Variants in PCDHA10 observed in about 807,000 individuals in gnomAD.
The protein encoded by PCDHA10 is protocadherin alpha 10.
In PCDHA10, 45 loss-of-function variants were observed where a neutral mutation model predicts 61.2. That is an observed-to-expected ratio of 0.74 (90% confidence interval 0.58 to 0.94). The LOEUF is 0.94. Among genes scored for constraint, PCDHA10 ranks in the 40% least tolerant of loss-of-function variants. PCDHA10 has a pLI of 0.00. For missense variants in PCDHA10, 1,278 were observed against 1,236.2 expected (o/e 1.03, Z -0.51); for synonymous variants, 602 against 548.8 (o/e 1.10, Z -1.35).
intron 1 of PCDHA10, among the ~76,000 whole-genome samples, chr5:140,915,168 C>T (rs181934284): frequency 6.0e-4 from 92 of 152,112 alleles, no homozygotes; most frequent in Middle Eastern, 3.4e-3. Context: ...AGGATAGTCT[C>T]GATCTCTTGA....
chr5:140,926,680 A>C (rs2153583997), intron 1 of PCDHA10: 1 of 637,102 alleles, frequency 1.6e-6, no homozygotes, highest in Non-Finnish European at 2.4e-6. Flanking sequence ...CCCAGCCTCC[A>C]GCCTAGCAAG....
At chr5:140,900,014 T>C (rs1002415971) in intron 1 of PCDHA10, among the ~76,000 whole-genome samples, 1 of 152,032 alleles carries the variant, frequency 6.6e-6, no homozygotes, top group African/African-American at 2.4e-5. Flanking sequence ...CTCACTTTGT[T>C]ACCCAGTTTG....
chr5:140,858,420 G>C lies in PCDHA10; in HGVS notation c.2372G>C (p.Gly791Ala). Residue 791 changes from glycine (G) to alanine (A), a missense_variant, in exon 1 of 4, where the codon GGG (glycine) becomes GCG (alanine). Transcript: ENST00000307360. ...GACGGGGAAGATCAGTCTATTGGAGGGGACCACTCTAGGAAGGTGGGTTAT... is the reference window on the plus strand; with the variant it reads ...GACGGGGAAGATCAGTCTATTGGAGCGGACCACTCTAGGAAGGTGGGTTAT... ...DVDGEDQSIG[G>A]DHSRKPRQPN... 4 of 1,558,504 alleles carry C rather than the reference G, an allele frequency of 2.6e-6. No homozygotes were observed. Among genetic ancestry groups the C allele is most frequent in the South Asian group, 1.1e-5 (1 of 87,164 alleles).
At chr5:140,899,814 G>A (rs1212568701) in intron 1 of PCDHA10, among the ~76,000 whole-genome samples, 8 of 152,012 alleles carry the variant, frequency 5.3e-5, no homozygotes, top group African/African-American at 7.2e-5. Flanking sequence ...ATTTTGTTTT[G>A]TTTTTCCTTT....
intron 1 of PCDHA10, chr5:140,884,280 A>G: frequency 6.2e-7 from 1 of 1,613,576 alleles, no homozygotes; most frequent in Non-Finnish European, 8.5e-7. Context: ...TCGCTGGTGG[A>G]GAGCGGCCAA....
intron 1 of PCDHA10, chr5:140,966,770 G>C: frequency 2.0e-6 from 3 of 1,500,088 alleles, no homozygotes; most frequent in Non-Finnish European, 2.7e-6. Flanking sequence ...AGTGGCTATG[G>C]AGCAGGCGGG....
At chr5:140,925,382 C>A (rs2082461008) in intron 1 of PCDHA10, among the ~76,000 whole-genome samples, 1 of 152,078 alleles carries the variant, frequency 6.6e-6, no homozygotes, top group Non-Finnish European at 1.5e-5. Flanking sequence ...GTCAATGAGT[C>A]TCCTTTTGGC....
At chr5:140,905,197 T>A (rs2071673542) in intron 1 of PCDHA10, among the ~76,000 whole-genome samples, 1 of 152,220 alleles carries the variant, frequency 6.6e-6, no homozygotes. Flanking sequence ...TTGATCCATC[T>A]TGAGTTGATT....
At chr5:140,893,498 A>G (rs1471386820) in intron 1 of PCDHA10, among the ~76,000 whole-genome samples, 2 of 151,410 alleles carry the variant, frequency 1.3e-5, no homozygotes, top group Admixed American at 6.6e-5. Flanking sequence ...CACAAAAAAG[A>G]AAAAAAAAGC....
chr5:140,971,263 C>T (rs1554233162), intron 1 of PCDHA10, among the ~76,000 whole-genome samples: 1 of 152,186 alleles, frequency 6.6e-6, no homozygotes, highest in African/African-American at 2.4e-5. Flanking sequence ...CTATTTCTGT[C>T]TTACACTGAC....
chr5:140,937,567 G>A lies in PCDHA10; in HGVS notation c.2389-41382G>A, dbSNP rs1218260457. On this transcript the variant is annotated intron_variant, in intron 1 of 3. Transcript: ENST00000307360. ...GCGAGGCAGAGGTTGCAGTGAGCTG[G>A]GATCGCGTCACTGCACTCTAGCCTG... 1.9e-3 allele frequency among the ~76,000 whole-genome samples: 288 copies of A among 150,684 alleles called. 1 individual carries two copies. Among genetic ancestry groups the A allele is most frequent in the African/African-American group, 6.8e-3 (278 of 40,792 alleles).
Position 140,857,793 on chromosome 5 carries a change from G to A in PCDHA10, c.1745G>A (p.Arg582Gln), listed in dbSNP as rs782663646. The A allele has an allele frequency of 5.0e-6, 8 of 1,597,706 alleles. No individual in the cohort carries two copies. The Middle Eastern group carries it at 6.9e-4, about 137-fold the overall frequency. The part of the protein sequence containing the change: ...AGGAVSELVL[R>Q]SVVAGHVVAK... ...GGTGCAGTCAGTGAGCTGGTGCTGC[G>A]GTCGGTGGTTGCGGGTCACGTGGTG... is the stretch of plus-strand genomic sequence containing the variant. The change falls in exon 1 of 4, where the codon CGG becomes CAG. Residue 582 changes from arginine (R) to glutamine (Q), a missense_variant. By Grantham distance (43) the Arg-to-Gln change is conservative. Coordinates refer to ENST00000307360, the MANE Select transcript of PCDHA10 (RefSeq NM_018901.4).
intron 1 of PCDHA10, among the ~76,000 whole-genome samples, chr5:140,890,853 C>T (rs1202284942): frequency 1.3e-5 from 2 of 152,058 alleles, no homozygotes; most frequent in Non-Finnish European, 2.9e-5. Flanking sequence ...GTTTCTCTTC[C>T]TTACTTCTTG....
intron 3 of PCDHA10, among the ~76,000 whole-genome samples, chr5:140,996,371 C>G (rs1183587138): frequency 6.6e-6 from 1 of 152,126 alleles, no homozygotes; most frequent in Admixed American, 6.6e-5. Context: ...ATTTTGTTGT[C>G]GGCTGAAATA....
intron 1 of PCDHA10, among the ~76,000 whole-genome samples, chr5:140,896,645 A>G (rs988054711): frequency 1.3e-5 from 2 of 151,728 alleles, no homozygotes; most frequent in African/African-American, 4.8e-5. Context: ...CCAAAGTGCT[A>G]GTATTACAGG....
intron 2 of PCDHA10, among the ~76,000 whole-genome samples, chr5:140,979,725 G>A (rs2096861699): frequency 6.6e-6 from 1 of 152,136 alleles, no homozygotes; most frequent in South Asian, 2.1e-4. Context: ...CCATGCCATG[G>A]GGCCAAATAA....
rs149739125 is a variant in PCDHA10, at chr5:140,954,248, C to T, written c.2389-24701C>T. 1.2e-3 allele frequency among the ~76,000 whole-genome samples: 179 copies of T among 152,316 alleles called. 1 individual carries two copies. The highest frequency in any genetic ancestry group is 4.0e-3 in the African/African-American group (166 of 41,572). ...TGAATAGTGCTGCAATGAACATACACATGCAGGTATCTTTATAATAGGATG... is the reference window on the plus strand; with the variant it reads ...TGAATAGTGCTGCAATGAACATACATATGCAGGTATCTTTATAATAGGATG... On this transcript the variant is annotated intron_variant, in intron 1 of 3. Coordinates refer to ENST00000307360, the MANE Select transcript of PCDHA10 (RefSeq NM_018901.4).
chr5:140,987,523 T>C (rs942927324), intron 3 of PCDHA10, among the ~76,000 whole-genome samples: 1 of 152,174 alleles, frequency 6.6e-6, no homozygotes, highest in Non-Finnish European at 1.5e-5. Context: ...AGTAATTGTA[T>C]GTTCCTGGGA....
chr5:140,871,656 A>C, intron 1 of PCDHA10: 1 of 1,231,284 alleles, frequency 8.1e-7, no homozygotes, highest in Non-Finnish European at 1.1e-6. Flanking sequence ...AATGATACAC[A>C]TCTTCAGTCT....
Sources: gnomAD v4.1 joint callset for allele counts (sites outside exome capture counted in the v4.1 genomes callset) on GRCh38, gnomAD v4.1.1 for gene constraint, MANE v1.5 for transcripts, NCBI Gene and HGNC (gene_info 2026-07-23, HGNC 2026-07-21) for gene names.